The following COX10 variants were observed in gnomAD, a reference collection of about 807,000 sequenced individuals.
COX10 encodes cytochrome c oxidase assembly factor heme A:farnesyltransferase COX10.
COX10 carries 27 observed loss-of-function variants against 37.3 expected under a neutral mutation model. The observed-to-expected ratio is 0.72, with a 90% CI of 0.53 to 1.00. The LOEUF (loss-of-function observed/expected upper bound fraction) is 1.00, where lower values mean the gene tolerates loss of function less well. COX10 is among the 50% of genes least tolerant of loss of function. COX10 has a pLI of 0.00. For synonymous variants in COX10, 222 were observed against 229.1 expected, an observed-to-expected ratio of 0.97 and a Z score of 0.28; for missense variants, 475 against 563.2, an observed-to-expected ratio of 0.84 and a Z score of 1.59.
At chr17:14,112,219 C>T (rs186453634) in intron 4 of COX10, among the ~76,000 whole-genome samples, 1 of 152,238 alleles carries the variant, frequency 6.6e-6, no homozygotes, top group African/African-American at 2.4e-5. Flanking sequence ...ACTCAGTGAA[C>T]ATTCAGGCTT....
Position 14,139,105 on chromosome 17 carries a change from C to T in COX10, c.625-20772C>T, listed in dbSNP as rs572357071. ...AATACACAAAAGAACTTAGCCCAGG[C>T]TTGGTAATAGTAAGCCCTTAGTAAA... is the stretch of plus-strand genomic sequence containing the variant. On this transcript the variant is annotated intron_variant, in intron 4 of 6. Coordinates refer to ENST00000261643, the MANE Select transcript of COX10 (RefSeq NM_001303.4). Among the ~76,000 whole-genome samples, 7 of 152,282 alleles carry T rather than the reference C, an allele frequency of 4.6e-5. No homozygotes were observed. The East Asian group carries it at 7.7e-4, about 17-fold the overall frequency.
intron 3 of COX10, among the ~76,000 whole-genome samples, chr17:14,089,760 G>T (rs989464872): frequency 6.6e-6 from 1 of 152,102 alleles, no homozygotes; most frequent in Non-Finnish European, 1.5e-5. Flanking sequence ...TTGTTATAAT[G>T]CAAATGTGTA....
intron 5 of COX10, among the ~76,000 whole-genome samples, chr17:14,168,393 C>G (rs1193820925): frequency 6.6e-6 from 1 of 152,194 alleles, no homozygotes; most frequent in African/African-American, 2.4e-5. Context: ...GTCAGTGGAT[C>G]TACCATTCTG....
intron 4 of COX10, among the ~76,000 whole-genome samples, chr17:14,141,529 C>CAAAAAAAAAA: frequency 1.5e-5 from 1 of 67,510 alleles, no homozygotes; most frequent in African/African-American, 6.4e-5. Flanking sequence ...GTCCCTGTCT[C>CAAAAAAAAAA]AAAAAAAAAA....
intron 4 of COX10, among the ~76,000 whole-genome samples, chr17:14,125,274 C>T (rs1916315913): frequency 6.6e-6 from 1 of 152,110 alleles, no homozygotes; most frequent in African/African-American, 2.4e-5. Context: ...GCCTGTTTTG[C>T]ACAACATTGC....
At position 14,078,738 on chromosome 17, in the gene COX10, G is replaced by C. The variant is rs75457049; in HGVS notation, c.499+1682G>C. Among the ~76,000 whole-genome samples, 666 of 152,196 alleles carry C rather than the reference G, an allele frequency of 4.4e-3. 4 individuals carry two copies. Among genetic ancestry groups the C allele is most frequent in the Middle Eastern group, 0.017 (5 of 294 alleles). On this transcript the variant is annotated intron_variant, in intron 3 of 6. Coordinates refer to ENST00000261643, the MANE Select transcript of COX10 (RefSeq NM_001303.4). Reference sequence around the variant, plus strand: ...CTAACTTACCCAAAATATTGCTTTCGATTTTCCTAACTTATACGAGTCTAT... The same window carrying C: ...CTAACTTACCCAAAATATTGCTTTCCATTTTCCTAACTTATACGAGTCTAT...
At chr17:14,153,206 T>C (rs1366757446) in intron 4 of COX10, among the ~76,000 whole-genome samples, 1 of 152,190 alleles carries the variant, frequency 6.6e-6, no homozygotes. Flanking sequence ...AATAAGGTGA[T>C]AGCAGAATCG....
chr17:14,088,996 G>A (rs1002523997), intron 3 of COX10, among the ~76,000 whole-genome samples: 13 of 152,256 alleles, frequency 8.5e-5, no homozygotes, highest in African/African-American at 3.1e-4. Context: ...ATGTCTCATT[G>A]GCCAGGAGTG....
intron 4 of COX10, among the ~76,000 whole-genome samples, chr17:14,142,596 CACCATTGAAAGACTCAAAATGA>C (rs1193612708): frequency 2.0e-5 from 3 of 152,112 alleles, no homozygotes; most frequent in African/African-American, 7.2e-5. Flanking sequence ...AAAAATAAAG[CACCATTGAAAGACTCAAAATGA>C]ACCATTGAAC....
intron 4 of COX10, among the ~76,000 whole-genome samples, chr17:14,138,251 T>C (rs1235029222): frequency 1.3e-5 from 2 of 152,134 alleles, no homozygotes; most frequent in Admixed American, 1.3e-4. Context: ...TCATGGACTT[T>C]CCAGGTCATT....
At chr17:14,136,798 G>A (rs1051918257) in intron 4 of COX10, among the ~76,000 whole-genome samples, 2 of 151,924 alleles carry the variant, frequency 1.3e-5, no homozygotes, top group African/African-American at 4.8e-5. Context: ...TGTGATAATT[G>A]CCTCCTCTAA....
chr17:14,179,165 T>G (rs1199215499), intron 5 of COX10: 1 of 733,292 alleles, frequency 1.4e-6, no homozygotes, highest in African/African-American at 1.9e-5. Context: ...CTAGTTCAGT[T>G]AAAATTGGAG....
chr17:14,193,708 C>T (rs933971678), intron 6 of COX10, among the ~76,000 whole-genome samples: 5 of 148,610 alleles, frequency 3.4e-5, no homozygotes, highest in South Asian at 2.2e-4. Flanking sequence ...CACACCTGCA[C>T]ACCACCAGCC....
Position 14,069,625 on chromosome 17 carries a change from C to T in COX10, c.20C>T (p.Thr7Ile). The change falls in exon 1 of 7, where the codon ACT becomes ATT. Residue 7 changes from threonine (T) to isoleucine (I), a missense_variant. By Grantham distance (89) the Thr-to-Ile change is moderately conservative. Transcript: ENST00000261643. The part of the protein sequence containing the change: MAASPH[T>I]LSSRLLTGCV... ...TAAATTATGGCCGCATCTCCGCACA[C>T]TCTCTCCTCACGCCTCCTGACAGGT... is the stretch of plus-strand genomic sequence containing the variant. 6.2e-7 allele frequency: 1 copy of T among 1,614,134 alleles called. No homozygotes were observed. Among genetic ancestry groups the T allele is most frequent in the Non-Finnish European group, 8.5e-7 (1 of 1,180,020 alleles).
At chr17:14,071,730 CAAAAAA>C (rs57780115) in intron 1 of COX10, among the ~76,000 whole-genome samples, 9 of 113,236 alleles carry the variant, frequency 7.9e-5, no homozygotes, top group African/African-American at 2.8e-4. Context: ...CTAAAAATAC[CAAAAAA>C]AAAAAAAAAA....
At chr17:14,073,133 C>G (rs1567584751) in intron 1 of COX10, among the ~76,000 whole-genome samples, 1 of 152,040 alleles carries the variant, frequency 6.6e-6, no homozygotes, top group Non-Finnish European at 1.5e-5. Flanking sequence ...TAATATGTAA[C>G]AGGAAGAAAA....
intron 1 of COX10, among the ~76,000 whole-genome samples, chr17:14,072,197 A>G (rs568971483): frequency 6.6e-6 from 1 of 152,174 alleles, no homozygotes; most frequent in Admixed American, 6.5e-5. Context: ...CATTCTGTAA[A>G]ATCTCAGTTT....
intron 6 of COX10, among the ~76,000 whole-genome samples, chr17:14,195,041 G>A (rs1470841754): frequency 6.6e-6 from 1 of 152,172 alleles, no homozygotes; most frequent in Non-Finnish European, 1.5e-5. Context: ...GTAACAACAT[G>A]ACTTACTGCC....
chr17:14,090,164 A>T (rs1915494358), intron 3 of COX10, among the ~76,000 whole-genome samples: 1 of 151,946 alleles, frequency 6.6e-6, no homozygotes, highest in Admixed American at 6.6e-5. Flanking sequence ...TGTTATCTGA[A>T]TCACTCGAGG....
Sources: allele counts gnomAD v4.1 joint callset (sites outside exome capture counted in the v4.1 genomes callset), GRCh38; gene constraint gnomAD v4.1.1; transcripts MANE v1.5; gene names NCBI Gene and HGNC (gene_info 2026-07-23, HGNC 2026-07-21).